Variants in CLUH observed in about 807,000 individuals in gnomAD.
CLUH encodes the protein clustered mitochondria protein homolog.
CLUH carries 77 observed loss-of-function variants against 139.3 expected under a neutral mutation model. The observed-to-expected ratio is 0.55, with a 90% confidence interval of 0.46 to 0.67. The LOEUF (loss-of-function observed/expected upper bound fraction) is 0.67, where lower values mean the gene tolerates loss of function less well. CLUH is among the 30% of genes least tolerant of loss of function. The pLI is 0.00. For missense variants in CLUH, 1,876 were observed against 1,875.8 expected, an observed-to-expected ratio of 1.00 and a Z score of 0.00; for synonymous variants, 999 against 801.6, an observed-to-expected ratio of 1.25 and a Z score of -4.16.
In CLUH at chr17:2,703,499, G is replaced by A. The variant is rs1001708217; in HGVS notation, c.304-10C>T. ...TCTCCTGGGGGGACACCTGCAGGGA[G>A]AAGGCCCCGCCCACCCCGGTGAGAG... On this transcript the variant is annotated splice_polypyrimidine_tract_variant and intron_variant, in intron 2 of 25. Transcript: ENST00000651024. This position sits in a 1 kb window ranked among gnomAD's most constrained non-coding sequence, Gnocchi z 4.2. 4.3e-6 allele frequency: 7 copies of A among 1,611,136 alleles called. No individual in the cohort carries two copies. In the African/African-American group the frequency reaches 8.0e-5, roughly 18 times the overall value.
chr17:2,696,527 T>C lies in CLUH; in HGVS notation c.2197A>G (p.Ser733Gly). 6.4e-7 allele frequency: 1 copy of C among 1,571,892 alleles called. No individual in the cohort carries two copies. ...CACGCGTTGCGGATCACCTCCCGGCTCCGAGGGTCTGCTGTGGAGACATGG... is the reference window on the plus strand; with the variant it reads ...CACGCGTTGCGGATCACCTCCCGGCCCCGAGGGTCTGCTGTGGAGACATGG... The part of the protein sequence containing the change: ...AADDGTADPR[S>G]REVIRNACKA... The change falls in exon 12 of 26, where the codon AGC (serine) becomes GGC (glycine). Residue 733 changes from serine to glycine, a missense_variant. This residue lies in a region of CLUH where 1,454 missense variants were observed against 1,384.4 expected (regional missense o/e 1.05). Transcript: ENST00000651024.
In CLUH at chr17:2,698,353, C is replaced by T. The variant is rs541018167; in HGVS notation, c.1504G>A (p.Val502Met). The change falls in exon 10 of 26, where the codon GTG (valine) becomes ATG (methionine). Residue 502 changes from valine to methionine, a missense_variant. Around this residue, in one of 3 missense-constraint regions of CLUH, gnomAD observed 1,454 missense variants for 1,384.4 expected, o/e 1.05. Transcript: ENST00000651024. ...NGVRTYNAVD[V>M]EGLYTLGTVV... ...GTGCCCAGCGTGTACAGCCCCTCCACGTCCACCGCGTTGTACGTGCGGACG... is the reference window on the plus strand; with the variant it reads ...GTGCCCAGCGTGTACAGCCCCTCCATGTCCACCGCGTTGTACGTGCGGACG... 3.1e-6 allele frequency: 5 copies of T among 1,613,182 alleles called. No individual in the cohort carries two copies. The highest frequency in any genetic ancestry group is 1.1e-5 in the South Asian group (1 of 91,034).
Position 2,704,709 on chromosome 17 carries a change from C to A in CLUH, c.101-145G>T, listed in dbSNP as rs976658974. On this transcript the variant is annotated intron_variant, in intron 1 of 25. Transcript: ENST00000651024. The surrounding 1 kb of genome is among the most constrained non-coding windows in gnomAD (Gnocchi z 5.7). The stretch of plus-strand genomic sequence containing the variant: ...CAGCCTCACGGTCGCGCCTCGCCCT[C>A]CGTGCACCTGCAGGCCACTTCCACA... The A allele has an allele frequency of 4.1e-5, 31 of 764,766 alleles. No individual in the cohort carries two copies. Among genetic ancestry groups the A allele is most frequent in the Non-Finnish European group, 6.2e-5 (30 of 484,126 alleles). The allele number at this position is 764,766 out of a possible 1,614,324, so 47.4% of individuals were successfully genotyped here.
chr17:2,692,325 C>T, intron 22 of CLUH, 36 bp downstream of exon 22: 2 of 1,508,944 alleles, frequency 1.3e-6, no homozygotes. Flanking sequence ...CCGCAGGCCT[C>T]CGCCGGCCTT....
Position 2,703,212 on chromosome 17 carries a change from C to A in CLUH, c.475+106G>T. 8.4e-7 allele frequency: 1 copy of A among 1,189,620 alleles called. No homozygotes were observed. Among genetic ancestry groups the A allele is most frequent in the Non-Finnish European group, 1.2e-6 (1 of 849,898 alleles). 73.7% of individuals were successfully genotyped at this position (1,189,620 alleles called of 1,614,324 possible). A position where few individuals can be genotyped will look rare whatever the true frequency, so the allele number is the denominator to read the frequency against. On this transcript the variant is annotated intron_variant, in intron 3 of 25. Coordinates refer to ENST00000651024, the MANE Select transcript of CLUH (RefSeq NM_001366661.1). This position sits in a 1 kb window ranked among gnomAD's most constrained non-coding sequence, Gnocchi z 4.2. Reference sequence around the variant, plus strand: ...GAAGCAGATCTGTGCTCCAATCCTGCCTCCATGAGCTCATCCGTGACACAG... The same window carrying A: ...GAAGCAGATCTGTGCTCCAATCCTGACTCCATGAGCTCATCCGTGACACAG...
chr17:2,696,332 G>A, intron 12 of CLUH, 73 bp from the exon 13 acceptor site: 1 of 1,501,460 alleles, frequency 6.7e-7, no homozygotes, highest in East Asian at 2.5e-5. Flanking sequence ...GGCGGGGGAA[G>A]CGCTCAGATG....
Position 2,696,258 on chromosome 17 carries a change from C to T in CLUH, c.2292G>A (p.Gly764=), listed in dbSNP as rs1296845470. ...CCTGGCAGGACTCAGGGAAACGAACCCCTGGAGGAGGGAGAGCAGAGAGGC... is the reference window on the plus strand; with the variant it reads ...CCTGGCAGGACTCAGGGAAACGAACTCCTGGAGGAGGGAGAGCAGAGAGGC... ...IRFNPDIFSP[G]VRFPESCQDE... is the part of the protein sequence containing the mutation. Residue 764 remains glycine, a splice_region_variant and synonymous_variant, in exon 13 of 26, where the codon GGG becomes GGA. Coordinates refer to ENST00000651024, the MANE Select transcript of CLUH (RefSeq NM_001366661.1). 2 of 1,570,874 alleles carry T rather than the reference C, an allele frequency of 1.3e-6. No homozygotes were observed. Among genetic ancestry groups the T allele is most frequent in the Non-Finnish European group, 1.7e-6 (2 of 1,158,542 alleles).
intron 1 of CLUH, among the ~76,000 whole-genome samples, chr17:2,709,245 G>C (rs2070441614): frequency 6.6e-6 from 1 of 152,124 alleles, no homozygotes; most frequent in African/African-American, 2.4e-5. Flanking sequence ...CAGCAAGTGA[G>C]GCTCCAGCAG....
chr17:2,701,547 C>G (rs1288325170), intron 5 of CLUH, 27 bp from the exon 6 acceptor site: 1 of 1,613,238 alleles, frequency 6.2e-7, no homozygotes, highest in Middle Eastern at 1.7e-4. Context: ...GTCTGAGGGG[C>G]CAGGCCTCTG....
rs867137301 is a variant in CLUH, at chr17:2,697,943, C to T, written c.1914G>A (p.Lys638=). The T allele has an allele frequency of 6.4e-7, 1 of 1,554,482 alleles. No individual in the cohort carries two copies. The highest frequency in any genetic ancestry group is 8.7e-7 in the Non-Finnish European group (1 of 1,154,714). Residue 638 remains lysine, a synonymous_variant, in exon 10 of 26, where the codon AAG becomes AAA. Coordinates refer to ENST00000651024, the MANE Select transcript of CLUH (RefSeq NM_001366661.1). ...CCAGCTCCTGGCGCAGGCAGCAGAG[C>T]TTGTGCCGGTGGGCGCGGGGGAAGC... ...RAGFPRAHRH[K]LCCLRQELVD...
intron 25 of CLUH, 33 bp from the exon 26 acceptor site, chr17:2,690,810 CAG>C (rs776595328): frequency 1.4e-6 from 2 of 1,451,944 alleles, no homozygotes; most frequent in Non-Finnish European, 1.8e-6. Flanking sequence ...AGGTGGCTCT[CAG>C]AGGAGTCCTG....
chr17:2,709,354 C>T (rs2070444593), intron 1 of CLUH, among the ~76,000 whole-genome samples: 1 of 152,192 alleles, frequency 6.6e-6, no homozygotes, highest in Non-Finnish European at 1.5e-5. Context: ...AACCTACAGA[C>T]CAGGCACCTG....
intron 23 of CLUH, 41 bp from the exon 24 acceptor site, chr17:2,691,936 C>T (rs2069664335): frequency 1.3e-5 from 15 of 1,125,370 alleles, no homozygotes; most frequent in Non-Finnish European, 1.6e-5. Context: ...CCCGTGCCCC[C>T]GCGGCCCCGC....
rs2070035032 is a variant in CLUH, at chr17:2,698,146, G to A, written c.1711C>T (p.His571Tyr). The change falls in exon 10 of 26, where the codon CAC becomes TAC. Residue 571 changes from histidine to tyrosine, a missense_variant. Physicochemically the swap from His to Tyr is moderately conservative, Grantham distance 83. Coordinates refer to ENST00000651024, the MANE Select transcript of CLUH (RefSeq NM_001366661.1). ...RTSRPLKILRHQVLNDRDEEV... is the reference protein window; with the variant it reads ...RTSRPLKILRYQVLNDRDEEV... ...TCGTCACGGTCGTTGAGCACCTGGT[G>A]CCGCAGGATCTTGAGGGGCCGACTC... is the stretch of plus-strand genomic sequence containing the variant. The A allele has an allele frequency of 1.9e-6, 3 of 1,582,840 alleles. No individual in the cohort carries two copies. The highest frequency in any genetic ancestry group is 1.3e-5 in the African/African-American group (1 of 74,356).
chr17:2,691,077 C>G (rs2069606515), intron 25 of CLUH, among the ~76,000 whole-genome samples: 1 of 151,506 alleles, frequency 6.6e-6, no homozygotes, highest in African/African-American at 2.4e-5. Flanking sequence ...CCACTCCCCA[C>G]AGGAGGCCAC....
Position 2,692,549 on chromosome 17 carries a change from G to GCT in CLUH, c.3438+21_3438+22insAG, listed in dbSNP as rs1555529659. ...CCTGGGATGGAGCTGGGTCCCTGCCGCCCCCCCGCCCCAGCACTCACGTCC... is the reference window on the plus strand; with the variant it reads ...CCTGGGATGGAGCTGGGTCCCTGCCGCTCCCCCCCGCCCCAGCACTCACGTCC... On this transcript the variant is annotated intron_variant, in intron 21 of 25. Coordinates refer to ENST00000651024, the MANE Select transcript of CLUH (RefSeq NM_001366661.1). 20 of 1,598,542 alleles carry GCT rather than the reference G, an allele frequency of 1.3e-5. No homozygotes were observed. In the African/African-American group the frequency reaches 2.1e-4, roughly 17 times the overall value.
At position 2,711,548 on chromosome 17, in the gene CLUH, C is replaced by A. The variant is rs910921700; in HGVS notation, c.100+14G>T. Reference sequence around the variant, plus strand: ...CCCCCCGCCCAGCGGCCCGCTGGCCCTGGCCCCGCTCACCGGCCGCGCCCG... The same window carrying A: ...CCCCCCGCCCAGCGGCCCGCTGGCCATGGCCCCGCTCACCGGCCGCGCCCG... On this transcript the variant is annotated intron_variant, in intron 1 of 25. Coordinates refer to ENST00000651024, the MANE Select transcript of CLUH (RefSeq NM_001366661.1). 2 of 930,290 alleles carry A rather than the reference C, an allele frequency of 2.1e-6. No homozygotes were observed. The highest frequency in any genetic ancestry group is 2.6e-6 in the Non-Finnish European group (2 of 780,664). The allele number at this position is 930,290 out of a possible 1,614,324, so 57.6% of individuals were successfully genotyped here.
chr17:2,701,266 C>T lies in CLUH; in HGVS notation c.900-1G>A. ...GGGGTTGAAGTGATAAGCTGTGGAC[C>T]TGCAGGGAGAGGGCGGGCACTGAGC... On this transcript the variant is annotated splice_acceptor_variant, in intron 6 of 25. Coordinates refer to ENST00000651024, the MANE Select transcript of CLUH (RefSeq NM_001366661.1). LOFTEE classifies it high-confidence loss of function. The T allele has an allele frequency of 1.2e-6, 2 of 1,611,918 alleles. No individual in the cohort carries two copies. The highest frequency in any genetic ancestry group is 1.7e-6 in the Non-Finnish European group (2 of 1,179,006).
At position 2,700,712 on chromosome 17, in the gene CLUH, G is replaced by A. The variant is rs368378574; in HGVS notation, c.1139C>T (p.Ser380Leu). The A allele has an allele frequency of 3.9e-6, 6 of 1,534,728 alleles. No homozygotes were observed. The highest frequency in any genetic ancestry group is 5.2e-6 in the Non-Finnish European group (6 of 1,145,066). ...DCVRAEDAYT[S>L]RLGYEEHIPG... ...AATGTGCTCCTCATAGCCCAGCCTC[G>A]AGGTGTAGGCGTCCTCTGCACGCAC... The change falls in exon 8 of 26, where the codon TCG becomes TTG. Residue 380 changes from serine (S) to leucine (L), a missense_variant. By Grantham distance (145) the Ser-to-Leu change is moderately radical. Around this residue, in one of 3 missense-constraint regions of CLUH, gnomAD observed 1,454 missense variants for 1,384.4 expected, o/e 1.05. Coordinates refer to ENST00000651024, the MANE Select transcript of CLUH (RefSeq NM_001366661.1).
Sources: allele counts gnomAD v4.1 joint callset (sites outside exome capture counted in the v4.1 genomes callset), GRCh38; gene constraint gnomAD v4.1.1; regional missense constraint gnomAD v4.1.1; non-coding constraint Gnocchi (gnomAD v3.1); transcripts MANE v1.5; gene names NCBI Gene and HGNC (gene_info 2026-07-23, HGNC 2026-07-21).